Variants in FAM135A observed in about 807,000 individuals in gnomAD.
The protein encoded by FAM135A is family with sequence similarity 135 member A.
A neutral mutation model predicts 146.8 loss-of-function variants in FAM135A; 79 were observed. The ratio of observed to expected loss-of-function variants is 0.54; its 90% confidence interval spans 0.45 to 0.65. FAM135A has a LOEUF of 0.65. FAM135A is among the 30% of genes least tolerant of loss of function. The probability of loss-of-function intolerance (pLI) is 0.00; values close to 1 mark genes in which losing one functional copy is unlikely to be tolerated. For missense variants in FAM135A, 1,623 were observed against 1,758.2 expected (o/e 0.92, Z 1.38); for synonymous variants, 562 against 603.6 (o/e 0.93, Z 1.01).
intron 16 of FAM135A, among the ~76,000 whole-genome samples, chr6:70,531,764 C>G (rs1303747423): frequency 6.6e-6 from 1 of 151,960 alleles, no homozygotes; most frequent in Non-Finnish European, 1.5e-5. Context: ...TCCCAATAAA[C>G]TTTTTTGTAA....
At chr6:70,539,812 G>A (rs1343358753) in intron 20 of FAM135A, among the ~76,000 whole-genome samples, 1 of 152,150 alleles carries the variant, frequency 6.6e-6, no homozygotes, top group Non-Finnish European at 1.5e-5. Context: ...TGGCTAACAC[G>A]GTGAAACCCC....
chr6:70,434,881 C>G (rs1485797938), intron 4 of FAM135A, among the ~76,000 whole-genome samples: 1 of 151,910 alleles, frequency 6.6e-6, no homozygotes, highest in Non-Finnish European at 1.5e-5. Context: ...GAAAGTAGTA[C>G]TTTGTTCTTT....
intron 10 of FAM135A, among the ~76,000 whole-genome samples, chr6:70,482,619 T>A: frequency 6.6e-6 from 1 of 152,232 alleles, no homozygotes; most frequent in Admixed American, 6.5e-5. Flanking sequence ...AATAATAACA[T>A]TACTTAGTAT....
intron 5 of FAM135A, among the ~76,000 whole-genome samples, chr6:70,455,040 T>C (rs1295892137): frequency 6.6e-6 from 1 of 152,212 alleles, no homozygotes; most frequent in Admixed American, 6.5e-5. Flanking sequence ...ATTTTCACAA[T>C]ATTGATTCTT....
At chr6:70,438,459 G>A (rs1015060985) in intron 4 of FAM135A, among the ~76,000 whole-genome samples, 5 of 152,082 alleles carry the variant, frequency 3.3e-5, no homozygotes, top group South Asian at 4.2e-4. Context: ...GTCCCTCTTC[G>A]TCCCTCTCAG....
intron 5 of FAM135A, among the ~76,000 whole-genome samples, chr6:70,454,090 T>C (rs1212733893): frequency 6.6e-6 from 1 of 152,238 alleles, no homozygotes; most frequent in African/African-American, 2.4e-5. Context: ...TCCCTGACTT[T>C]TTAATGATCA....
In FAM135A at chr6:70,470,442, C is replaced by T. The variant is rs550262722; in HGVS notation, c.158-4968C>T. ...CAATCTCGGCTCACTCTGCAACCTC[C>T]GCCTCCCAGGTTCAAGCAGTTCTCC... is the stretch of plus-strand genomic sequence containing the variant. On this transcript the variant is annotated intron_variant, in intron 5 of 21. Transcript: ENST00000418814. Among the ~76,000 whole-genome samples, 16 of 152,240 alleles carry T rather than the reference C, an allele frequency of 1.1e-4. 1 individual carries two copies. Among genetic ancestry groups the T allele is most frequent in the Middle Eastern group, 3.4e-3 (1 of 294 alleles).
chr6:70,460,828 CTAGA>C (rs1008390023), intron 5 of FAM135A, among the ~76,000 whole-genome samples: 2 of 150,698 alleles, frequency 1.3e-5, no homozygotes, highest in African/African-American at 4.9e-5. Context: ...TTAGATTTAC[CTAGA>C]TAGATAGATA....
chr6:70,439,523 A>G (rs1194545172), intron 4 of FAM135A, among the ~76,000 whole-genome samples: 2 of 152,208 alleles, frequency 1.3e-5, no homozygotes, highest in African/African-American at 4.8e-5. Context: ...CAAACAACAT[A>G]TAATGGGATT....
At chr6:70,558,548 G>A (rs140493622) in intron 21 of FAM135A, among the ~76,000 whole-genome samples, 477 of 152,280 alleles carry the variant, frequency 3.1e-3, no homozygotes, top group Middle Eastern at 6.8e-3. Flanking sequence ...AGTGGCTCAT[G>A]CCTGTAATCC....
intron 8 of FAM135A, among the ~76,000 whole-genome samples, chr6:70,480,222 T>C (rs1483229683): frequency 2.0e-5 from 3 of 152,130 alleles, no homozygotes; most frequent in Non-Finnish European, 2.9e-5. Context: ...ATGTAATTGA[T>C]GGTGCCTTGA....
rs377313364 is a variant in FAM135A at position 70,553,701 on chromosome 6, G to A, written c.4229-3049G>A. ...TACAATGAAATCTTTTTTTTAAAAA[G>A]AAGCAGATATAAATTTAAAATTCTT... On this transcript the variant is annotated intron_variant, in intron 20 of 21. Coordinates refer to ENST00000418814, the MANE Select transcript of FAM135A (RefSeq NM_001162529.3). Among the ~76,000 whole-genome samples, 5 of 111,158 alleles carry A rather than the reference G, an allele frequency of 4.5e-5. No individual in the cohort carries two copies. The South Asian group carries it at 7.7e-4, about 17-fold the overall frequency. The allele number at this position is 111,158 out of a possible 152,430, so 72.9% of individuals were successfully genotyped here. A position where few individuals can be genotyped will look rare whatever the true frequency, so the allele number is the denominator to read the frequency against.
At chr6:70,493,305 AT>A (rs1408685512) in intron 11 of FAM135A, among the ~76,000 whole-genome samples, 1 of 152,132 alleles carries the variant, frequency 6.6e-6, no homozygotes, top group African/African-American at 2.4e-5. Context: ...TTGAAAGGAT[AT>A]ATATATTCCA....
At chr6:70,557,709 A>AC (rs1325359021) in intron 21 of FAM135A, 1 of 151,284 alleles carries the variant, frequency 6.6e-6, no homozygotes, top group Non-Finnish European at 1.5e-5. Flanking sequence ...AAAAAAAAAA[A>AC]AAAAAAAAAC....
rs1782431847 is a variant in FAM135A, at chr6:70,475,394, A to G, written c.158-16A>G. ...TTTTACTTTTATCTGTCAATTACAT[A>G]TCTTATCTGTTTTAGGTATGACTTT... On this transcript the variant is annotated splice_polypyrimidine_tract_variant and intron_variant, in intron 5 of 21. Transcript: ENST00000418814. 1 of 1,547,062 alleles carries G rather than the reference A, an allele frequency of 6.5e-7. No individual in the cohort carries two copies. Among genetic ancestry groups the G allele is most frequent in the Non-Finnish European group, 8.7e-7 (1 of 1,149,566 alleles).
At chr6:70,475,757 A>G in intron 7 of FAM135A, 24 bp downstream of exon 7, 2 of 1,539,406 alleles carry the variant, frequency 1.3e-6, no homozygotes, top group Non-Finnish European at 1.8e-6. Flanking sequence ...CAATTAAAAA[A>G]CCTTTAGGCA....
chr6:70,437,611 A>G (rs969753267), intron 4 of FAM135A, among the ~76,000 whole-genome samples: 2 of 152,126 alleles, frequency 1.3e-5, no homozygotes, highest in Non-Finnish European at 2.9e-5. Context: ...GGGAGATACT[A>G]TGAGAAAATA....
At position 70,445,202 on chromosome 6, in the gene FAM135A, G is replaced by A. The variant is rs534755082; in HGVS notation, c.78-7290G>A. 1.1e-3 allele frequency among the ~76,000 whole-genome samples: 164 copies of A among 152,280 alleles called. 1 individual carries two copies. Among genetic ancestry groups the A allele is most frequent in the African/African-American group, 3.8e-3 (158 of 41,572 alleles). On this transcript the variant is annotated intron_variant, in intron 4 of 21. Transcript: ENST00000418814. ...TTGTTGCTGGGCCAAACCCAGCCAC[G>A]CCCATTTACTTACTTTGTTTATGGC...
intron 11 of FAM135A, among the ~76,000 whole-genome samples, chr6:70,495,944 A>G (rs1027266821): frequency 1.3e-5 from 2 of 152,138 alleles, no homozygotes; most frequent in Non-Finnish European, 2.9e-5. Flanking sequence ...AGCTTCATCC[A>G]TGTCCCTGCA....
Sources: gnomAD v4.1 joint callset for allele counts (sites outside exome capture counted in the v4.1 genomes callset) on GRCh38, gnomAD v4.1.1 for gene constraint, MANE v1.5 for transcripts, NCBI Gene and HGNC (gene_info 2026-07-23, HGNC 2026-07-21) for gene names.